The following NEK4 variants were observed in gnomAD, a reference collection of about 807,000 sequenced individuals.
NEK4 encodes NIMA related kinase 4.
Under a neutral mutation model 98.4 loss-of-function variants are expected in NEK4, and 86 were observed. The observed-to-expected ratio is 0.87, with a 90% CI of 0.73 to 1.05. The LOEUF (loss-of-function observed/expected upper bound fraction) is 1.05, where lower values mean the gene tolerates loss of function less well. Ranked by LOEUF, NEK4 falls within the 50% of genes least tolerant of loss-of-function variation. The pLI is 0.00. For missense variants in NEK4, 898 were observed against 950.3 expected (o/e 0.94, Z 0.72); for synonymous variants, 328 against 342.2 (o/e 0.96, Z 0.46).
intron 15 of NEK4, among the ~76,000 whole-genome samples, chr3:52,723,264 A>T (rs2097361696): frequency 6.6e-6 from 1 of 151,870 alleles, no homozygotes; most frequent in African/African-American, 2.4e-5. Context: ...AAAGAAAAAA[A>T]GAATTTTTTT....
rs1292435464 is a variant in NEK4, at chr3:52,746,132, C to A, written c.1756G>T (p.Ala586Ser). 1.2e-6 allele frequency: 2 copies of A among 1,614,108 alleles called. No individual in the cohort carries two copies. The highest frequency in any genetic ancestry group is 1.7e-6 in the Non-Finnish European group (2 of 1,179,990). The change falls in exon 10 of 16, where the codon GCT (alanine) becomes TCT (serine). Residue 586 changes from alanine (A) to serine (S), a missense_variant. Physicochemically the swap from Ala to Ser is moderately conservative, Grantham distance 99 (BLOSUM62 1). Coordinates refer to ENST00000233027, the MANE Select transcript of NEK4 (RefSeq NM_003157.6). Reference protein sequence around the residue: ...KVDVTSTQKEAENQRRVVTGS... With the variant: ...KVDVTSTQKESENQRRVVTGS... Reference sequence around the variant, plus strand: ...GTGACCACTCTACGTTGGTTTTCAGCCTCTTTTTGTGTTGATGTGACATCC... The same window carrying A: ...GTGACCACTCTACGTTGGTTTTCAGACTCTTTTTGTGTTGATGTGACATCC...
intron 13 of NEK4, 86 bp from the exon 14 acceptor site, chr3:52,739,720 G>C (rs923531927): frequency 8.7e-6 from 10 of 1,144,622 alleles, no homozygotes; most frequent in Non-Finnish European, 1.3e-5. Flanking sequence ...GACCTTTCGG[G>C]AATTATCCTT....
chr3:52,744,041 T>C (rs2097391245), intron 11 of NEK4, among the ~76,000 whole-genome samples, 198 bp downstream of exon 11: 1 of 152,206 alleles, frequency 6.6e-6, no homozygotes, highest in Non-Finnish European at 1.5e-5. Flanking sequence ...CCTCCTCTGA[T>C]ATTTGAACCA....
intron 6 of NEK4, among the ~76,000 whole-genome samples, chr3:52,758,603 G>A (rs1419594887): frequency 6.6e-6 from 1 of 151,614 alleles, no homozygotes; most frequent in Admixed American, 6.6e-5. Flanking sequence ...AGAAGCTTTT[G>A]TGAAAAGGAC....
intron 15 of NEK4, chr3:52,734,876 G>A: frequency 3.8e-6 from 1 of 265,692 alleles, no homozygotes; most frequent in Non-Finnish European, 7.4e-6. Context: ...AAAGGCTTGT[G>A]AACTGAAACA....
chr3:52,751,958 T>C lies in NEK4; in HGVS notation c.1342A>G (p.Ile448Val), dbSNP rs1370779293. Residue 448 changes from isoleucine to valine, a missense_variant, in exon 7 of 16, where the codon ATC (isoleucine) becomes GTC (valine). Ile to Val is a conservative substitution (Grantham distance 29). Transcript: ENST00000233027. Reference sequence around the variant, plus strand: ...TGGTCCTTTGGCTTTTGTTCTTTGATTAGGGGCTGCAGAGGCTTCACTGGT... The same window carrying C: ...TGGTCCTTTGGCTTTTGTTCTTTGACTAGGGGCTGCAGAGGCTTCACTGGT... Reference protein sequence around the residue: ...NEPVKPLQPLIKEQKPKDQSL... With the variant: ...NEPVKPLQPLVKEQKPKDQSL... 1.2e-6 allele frequency: 2 copies of C among 1,613,804 alleles called. No individual in the cohort carries two copies. Among genetic ancestry groups the C allele is most frequent in the African/African-American group, 1.3e-5 (1 of 75,042 alleles).
At chr3:52,752,929 T>TACACACAC (rs1215610708) in intron 6 of NEK4, among the ~76,000 whole-genome samples, 904 of 49,568 alleles carry the variant, frequency 0.018, 14 homozygotes, top group Middle Eastern at 0.033. Context: ...TATATATATA[T>TACACACAC]ATATACACAC....
At chr3:52,760,060 G>A (rs1337709237) in intron 6 of NEK4, among the ~76,000 whole-genome samples, 2 of 152,194 alleles carry the variant, frequency 1.3e-5, no homozygotes, top group African/African-American at 4.8e-5. Context: ...CAGAGGCTGG[G>A]TGAAGGACAA....
intron 15 of NEK4, among the ~76,000 whole-genome samples, chr3:52,729,744 C>T (rs1008358668): frequency 1.1e-3 from 102 of 93,458 alleles, no homozygotes; most frequent in Middle Eastern, 5.6e-3. Flanking sequence ...CTTGACTAGC[C>T]AAAAAAAAAA....
At chr3:52,759,098 GAAAAAAGAAAAAAAA>G (rs1254302030) in intron 6 of NEK4, among the ~76,000 whole-genome samples, 1 of 70,308 alleles carries the variant, frequency 1.4e-5, no homozygotes, top group Non-Finnish European at 3.2e-5. Flanking sequence ...CTTAAAAAAA[GAAAAAAGAAAAAAAA>G]AAAAAAAGCC....
rs765691634 is a variant in NEK4 at position 52,752,048 on chromosome 3, T to C, written c.1252A>G (p.Ser418Gly). The C allele has an allele frequency of 1.8e-5, 29 of 1,614,114 alleles. No homozygotes were observed. The highest frequency in any genetic ancestry group is 3.3e-4 in the Middle Eastern group (2 of 6,084). ...GGAATCAGGTTTTCAGGCTGGGCACTGGATTTAGTGTTGTCCTGCAGCATC... is the reference window on the plus strand; with the variant it reads ...GGAATCAGGTTTTCAGGCTGGGCACCGGATTTAGTGTTGTCCTGCAGCATC... ...EEMLQDNTKS[S>G]AQPENLIPMW... The change falls in exon 7 of 16, where the codon AGT becomes GGT. Residue 418 changes from serine (S) to glycine (G), a missense_variant. Transcript: ENST00000233027.
intron 5 of NEK4, 119 bp from the exon 6 acceptor site, chr3:52,761,055 G>A (rs1698338067): frequency 1.6e-6 from 1 of 633,956 alleles, no homozygotes; most frequent in South Asian, 2.6e-5. Flanking sequence ...CATTTATAGA[G>A]AATAGTTTTC....
At chr3:52,734,452 C>CAAAAAAAAA (rs76013023) in intron 15 of NEK4, among the ~76,000 whole-genome samples, 6 of 100,604 alleles carry the variant, frequency 6.0e-5, no homozygotes, top group East Asian at 2.9e-4. Context: ...GACTCCAACT[C>CAAAAAAAAA]AAAAAAAAAA....
At position 52,711,814 on chromosome 3, in the gene NEK4, C is replaced by T. The variant is rs769126890; in HGVS notation, c.2489G>A (p.Arg830His). 2.0e-5 allele frequency: 33 copies of T among 1,610,506 alleles called. 1 individual carries two copies. The highest frequency in any genetic ancestry group is 8.8e-5 in the South Asian group (8 of 90,556). Residue 830 changes from arginine to histidine, a missense_variant, in exon 16 of 16, where the codon CGC becomes CAC. Arg to His is a conservative substitution (Grantham distance 29, BLOSUM62 0). Coordinates refer to ENST00000233027, the MANE Select transcript of NEK4 (RefSeq NM_003157.6). Reference protein sequence around the residue: ...EKYTTYSVKARQLKFFEENMN... With the variant: ...EKYTTYSVKAHQLKFFEENMN... Reference sequence around the variant, plus strand: ...GTTTTCTTCAAAAAATTTCAACTGGCGAGCTTTCACACTGTAAGTTGTATA... The same window carrying T: ...GTTTTCTTCAAAAAATTTCAACTGGTGAGCTTTCACACTGTAAGTTGTATA...
intron 8 of NEK4, 53 bp from the exon 9 acceptor site, chr3:52,746,957 T>G: frequency 7.4e-7 from 1 of 1,356,218 alleles, no homozygotes; most frequent in Non-Finnish European, 1.0e-6. Context: ...TGGTACATTG[T>G]AATCCAAAGT....
chr3:52,731,135 G>C (rs1245244073), intron 15 of NEK4, among the ~76,000 whole-genome samples: 1 of 152,128 alleles, frequency 6.6e-6, no homozygotes, highest in Non-Finnish European at 1.5e-5. Context: ...AACAAAGGAG[G>C]TAAGTGGGAG....
At chr3:52,734,390 C>T (rs897017115) in intron 15 of NEK4, among the ~76,000 whole-genome samples, 10 of 147,272 alleles carry the variant, frequency 6.8e-5, no homozygotes, top group African/African-American at 2.3e-4. Flanking sequence ...GCGGAGGTTG[C>T]GGTGAGCCAA....
chr3:52,727,276 C>A, intron 15 of NEK4, among the ~76,000 whole-genome samples: 1 of 151,856 alleles, frequency 6.6e-6, no homozygotes, highest in Non-Finnish European at 1.5e-5. Flanking sequence ...GCCTGACCTA[C>A]ATCTAAAATT....
rs755633588 is a variant in NEK4, at chr3:52,743,433, A to C, written c.1923T>G (p.Ser641Arg). 1 of 1,614,072 alleles carries C rather than the reference A, an allele frequency of 6.2e-7. No individual in the cohort carries two copies. Among genetic ancestry groups the C allele is most frequent in the Non-Finnish European group, 8.5e-7 (1 of 1,180,004 alleles). Residue 641 changes from serine (S) to arginine (R), a missense_variant, in exon 12 of 16, where the codon AGT becomes AGG. Physicochemically the swap from Ser to Arg is moderately radical, Grantham distance 110. Coordinates refer to ENST00000233027, the MANE Select transcript of NEK4 (RefSeq NM_003157.6). The part of the protein sequence containing the change: ...SGPSVRKASL[S>R]VAGPGKPQEE... ...CCTGGGGTTTTCCTGGCCCTGCTAC[A>C]CTCAGAGACGCTTTCCTCACTGAAG...
Sources: gnomAD v4.1 joint callset for allele counts (sites outside exome capture counted in the v4.1 genomes callset) on GRCh38, gnomAD v4.1.1 for gene constraint, MANE v1.5 for transcripts, NCBI Gene and HGNC (gene_info 2026-07-23, HGNC 2026-07-21) for gene names.